The following KIRREL1 variants were observed in gnomAD, a reference collection of about 807,000 sequenced individuals.
KIRREL1 encodes kirre like nephrin family adhesion molecule 1.
KIRREL1 carries 25 observed loss-of-function variants against 83.3 expected under a neutral mutation model. That is an observed-to-expected ratio of 0.30 (90% CI 0.22 to 0.42). The LOEUF (loss-of-function observed/expected upper bound fraction) is 0.42, where lower values mean the gene tolerates loss of function less well. Among genes scored for constraint, KIRREL1 ranks in the 10% least tolerant of loss-of-function variants. The pLI is 1.00. For synonymous variants in KIRREL1, 388 were observed against 410.4 expected (o/e 0.95, Z 0.66); for missense variants, 812 against 1,032.3 (o/e 0.79, Z 2.92).
intron 1 of KIRREL1, chr1:158,031,040 G>A (rs901750716): frequency 6.6e-6 from 1 of 152,338 alleles, no homozygotes; most frequent in Admixed American, 6.5e-5. Flanking sequence ...GCCTGGGAAA[G>A]AGTCCCCTCC....
chr1:158,027,023 A>C (rs1254871434), intron 1 of KIRREL1, among the ~76,000 whole-genome samples: 1 of 152,054 alleles, frequency 6.6e-6, no homozygotes, highest in Non-Finnish European at 1.5e-5. Flanking sequence ...GACACTATCT[A>C]CCTGGAGATA....
intron 1 of KIRREL1, among the ~76,000 whole-genome samples, chr1:158,071,357 TGTGA>T (rs1174488949): frequency 6.6e-6 from 1 of 151,832 alleles, no homozygotes; most frequent in Admixed American, 6.6e-5. Context: ...TGTGAGTGCG[TGTGA>T]GTATGTGTGA....
chr1:158,041,681 A>G (rs549958084), intron 1 of KIRREL1, among the ~76,000 whole-genome samples: 111 of 152,230 alleles, frequency 7.3e-4, no homozygotes, highest in African/African-American at 2.6e-3. Flanking sequence ...TGAGATTCCT[A>G]TCTCAGTCCT....
chr1:158,076,238 C>T lies in KIRREL1; in HGVS notation c.178C>T (p.Leu60=). Residue 60 remains leucine, a synonymous_variant, in exon 2 of 15, where the codon CTG becomes TTG. Coordinates refer to ENST00000359209, the MANE Select transcript of KIRREL1 (RefSeq NM_018240.7). ...IVQWTKDGLA[L]GMGQGLKAWP... ...GCAATGGACCAAGGACGGGCTGGCC[C>T]TGGGCATGGGCCAGGGCCTCAAAGG... 1 of 1,614,184 alleles carries T rather than the reference C, an allele frequency of 6.2e-7. No individual in the cohort carries two copies. Among genetic ancestry groups the T allele is most frequent in the Non-Finnish European group, 8.5e-7 (1 of 1,180,012 alleles).
At chr1:158,075,982 G>T (rs915638261) in intron 1 of KIRREL1, 131 bp from the exon 2 acceptor site, 3 of 775,258 alleles carry the variant, frequency 3.9e-6, no homozygotes, top group Admixed American at 5.7e-5. Flanking sequence ...GAGGCTGAAG[G>T]GGGGCAGGGA....
chr1:158,033,538 T>C (rs1188348810), intron 1 of KIRREL1, among the ~76,000 whole-genome samples: 1 of 152,240 alleles, frequency 6.6e-6, no homozygotes, highest in Non-Finnish European at 1.5e-5. Flanking sequence ...TTCTCTTCCT[T>C]GCTTTGCAGC....
At chr1:158,058,655 T>C (rs1661131028) in intron 1 of KIRREL1, among the ~76,000 whole-genome samples, 1 of 152,220 alleles carries the variant, frequency 6.6e-6, no homozygotes. Flanking sequence ...CAAAGGTCTT[T>C]ATAGCAAGAA....
At chr1:158,086,826 A>G in intron 5 of KIRREL1, 80 bp downstream of exon 5, 1 of 1,314,714 alleles carries the variant, frequency 7.6e-7, no homozygotes, top group Non-Finnish European at 1.1e-6. Flanking sequence ...TTAGTTTGAG[A>G]AACACAAACT....
intron 2 of KIRREL1, among the ~76,000 whole-genome samples, chr1:158,077,247 G>C (rs1399356781): frequency 6.6e-6 from 1 of 152,116 alleles, no homozygotes. Flanking sequence ...CCATATAAGG[G>C]AAAGAGATGG....
At chr1:157,999,020 A>T (rs561898157) in intron 1 of KIRREL1, among the ~76,000 whole-genome samples, 1 of 152,158 alleles carries the variant, frequency 6.6e-6, no homozygotes, top group Non-Finnish European at 1.5e-5. Context: ...CCTAAGCGCC[A>T]TGAGTGCCCT....
intron 3 of KIRREL1, among the ~76,000 whole-genome samples, chr1:158,082,013 A>G (rs1301003867): frequency 6.6e-6 from 1 of 152,144 alleles, no homozygotes; most frequent in Non-Finnish European, 1.5e-5. Flanking sequence ...GGAGGCCCTG[A>G]GCAGCAGCTC....
intron 1 of KIRREL1, among the ~76,000 whole-genome samples, chr1:158,049,131 C>T (rs1660850031): frequency 6.6e-6 from 1 of 152,166 alleles, no homozygotes; most frequent in South Asian, 2.1e-4. Context: ...GAAAATGAGG[C>T]AATTAACTTT....
intron 1 of KIRREL1, among the ~76,000 whole-genome samples, chr1:158,046,612 G>A (rs1296915946): frequency 6.6e-6 from 1 of 152,028 alleles, no homozygotes; most frequent in African/African-American, 2.4e-5. Context: ...AAGAGGAGGA[G>A]GAGGTTGTGG....
intron 1 of KIRREL1, among the ~76,000 whole-genome samples, chr1:158,000,344 C>T (rs779483689): frequency 6.6e-6 from 1 of 152,222 alleles, no homozygotes; most frequent in African/African-American, 2.4e-5. Context: ...TTTCTTCCAG[C>T]CATAGCAGCC....
intron 1 of KIRREL1, among the ~76,000 whole-genome samples, chr1:158,001,913 G>A (rs1659371731): frequency 6.6e-6 from 1 of 152,122 alleles, no homozygotes; most frequent in Admixed American, 6.5e-5. Flanking sequence ...CAGACAAAGG[G>A]TGTGTTAAAA....
Position 158,095,212 on chromosome 1 carries a change from C to G in KIRREL1, c.*92C>G. The G allele has an allele frequency of 1.1e-6, 1 of 928,592 alleles. No homozygotes were observed. The highest frequency in any genetic ancestry group is 1.7e-5 in the South Asian group (1 of 57,874). The allele number at this position is 928,592 out of a possible 1,614,324, so 57.5% of individuals were successfully genotyped here. ...ATTCAGGGGCATTGCTCATTGCTCC[C>G]TTCTCGGACCAGCCTTCTTCCTCCC... On this transcript the variant is annotated 3_prime_UTR_variant, in exon 15 of 15. Coordinates refer to ENST00000359209, the MANE Select transcript of KIRREL1 (RefSeq NM_018240.7).
intron 1 of KIRREL1, among the ~76,000 whole-genome samples, chr1:158,005,665 G>T (rs1320227652): frequency 6.6e-6 from 1 of 152,092 alleles, no homozygotes; most frequent in Non-Finnish European, 1.5e-5. Context: ...CTTAAAAACT[G>T]GGTCATGAGC....
chr1:158,087,905 A>C, intron 6 of KIRREL1, 45 bp downstream of exon 6: 1 of 1,607,636 alleles, frequency 6.2e-7, no homozygotes, highest in East Asian at 2.2e-5. Context: ...GTGATAAGGA[A>C]GAGTTCGGGG....
At chr1:158,058,965 G>A (rs1318463814) in intron 1 of KIRREL1, among the ~76,000 whole-genome samples, 1 of 152,200 alleles carries the variant, frequency 6.6e-6, no homozygotes, top group African/African-American at 2.4e-5. Context: ...CTTTGGAGAT[G>A]CAGAGAGGGA....
Sources: allele counts gnomAD v4.1 joint callset (sites outside exome capture counted in the v4.1 genomes callset), GRCh38; gene constraint gnomAD v4.1.1; transcripts MANE v1.5; gene names NCBI Gene and HGNC (gene_info 2026-07-23, HGNC 2026-07-21).